The following SAMTOR variants were observed in gnomAD, a reference collection of about 807,000 sequenced individuals.
SAMTOR encodes UPF0532 protein C7orf60.
At chr7:112,821,966 C>G in the SAMTOR span, 1 of 1,613,240 alleles carries the variant, frequency 6.2e-7, no homozygotes, top group African/African-American at 1.3e-5. Flanking sequence ...CTGGGTAGTT[C>G]CTACTAACCA....
chr7:112,858,074 A>G, the SAMTOR span, among the ~76,000 whole-genome samples: 1 of 152,124 alleles, frequency 6.6e-6, no homozygotes, highest in African/African-American at 2.4e-5. Context: ...CAGGACCACC[A>G]TTTGTTCTTA....
the SAMTOR span, among the ~76,000 whole-genome samples, chr7:112,862,175 A>C: frequency 1.3e-5 from 2 of 152,156 alleles, no homozygotes; most frequent in Non-Finnish European, 2.9e-5. Context: ...GAATTGTTTG[A>C]GCCCAGCAGG....
At chr7:112,828,437 G>C in the SAMTOR span, among the ~76,000 whole-genome samples, 1 of 152,096 alleles carries the variant, frequency 6.6e-6, no homozygotes, top group Admixed American at 6.5e-5. Flanking sequence ...ATCTTCATGT[G>C]ACGTTCTCCC....
At chr7:112,844,971 A>C in the SAMTOR span, among the ~76,000 whole-genome samples, 1 of 152,180 alleles carries the variant, frequency 6.6e-6, no homozygotes, top group Admixed American at 6.5e-5. Flanking sequence ...TTTTTGACAA[A>C]GCTGACAAAA....
At chr7:112,828,121 T>TG in the SAMTOR span, among the ~76,000 whole-genome samples, 1 of 152,218 alleles carries the variant, frequency 6.6e-6, no homozygotes, top group African/African-American at 2.4e-5. Flanking sequence ...TTTATGCTAC[T>TG]GTCATAAATG....
chr7:112,829,143 T>A, the SAMTOR span, among the ~76,000 whole-genome samples: 8 of 152,186 alleles, frequency 5.3e-5, no homozygotes, highest in African/African-American at 1.9e-4. Flanking sequence ...TAGATTTGTA[T>A]CACTGATGCT....
At chr7:112,831,499 A>C in the SAMTOR span, among the ~76,000 whole-genome samples, 1 of 152,124 alleles carries the variant, frequency 6.6e-6, no homozygotes, top group Non-Finnish European at 1.5e-5. Flanking sequence ...TCTACCAAAA[A>C]TACAAAGTTA....
chr7:112,902,848 A>C, the SAMTOR span, among the ~76,000 whole-genome samples: 5 of 152,212 alleles, frequency 3.3e-5, no homozygotes, highest in African/African-American at 9.6e-5. Flanking sequence ...AAGAGAAAAC[A>C]AACCAACCTT....
At chr7:112,929,226 A>C in the SAMTOR span, among the ~76,000 whole-genome samples, 4 of 148,504 alleles carry the variant, frequency 2.7e-5, no homozygotes, top group African/African-American at 1.0e-4. Context: ...TATAAAAAAA[A>C]CCTCAAACTG....
the SAMTOR span, chr7:112,935,323 C>A: frequency 2.8e-6 from 1 of 359,516 alleles, no homozygotes. Context: ...ATTTTTAAAA[C>A]AACTTCAAAA....
At chr7:112,883,388 A>G in the SAMTOR span, among the ~76,000 whole-genome samples, 3 of 152,238 alleles carry the variant, frequency 2.0e-5, no homozygotes, top group African/African-American at 4.8e-5. Context: ...TATATCAAGT[A>G]TATCTTGAGT....
chr7:112,852,695 C>A, the SAMTOR span, among the ~76,000 whole-genome samples: 2 of 152,100 alleles, frequency 1.3e-5, no homozygotes, highest in East Asian at 3.9e-4. Context: ...TATCAACTTG[C>A]AGCGGTAAAT....
At chr7:112,937,649 A>G in the SAMTOR span, among the ~76,000 whole-genome samples, 5 of 151,164 alleles carry the variant, frequency 3.3e-5, no homozygotes, top group African/African-American at 4.9e-5. Context: ...GGGGCTTTGT[A>G]TATCATTCAA....
At chr7:112,937,624 T>C in the SAMTOR span, among the ~76,000 whole-genome samples, 1 of 151,590 alleles carries the variant, frequency 6.6e-6, no homozygotes, top group Non-Finnish European at 1.5e-5. Context: ...TCACTTATTC[T>C]GCTAATTCAC....
the SAMTOR span, among the ~76,000 whole-genome samples, chr7:112,904,636 A>T: frequency 7.2e-5 from 11 of 152,210 alleles, no homozygotes; most frequent in Non-Finnish European, 1.3e-4. Context: ...AAAATGAAGC[A>T]AAAGAAAGGA....
the SAMTOR span, among the ~76,000 whole-genome samples, chr7:112,921,659 C>T: frequency 6.8e-6 from 1 of 146,790 alleles, no homozygotes; most frequent in African/African-American, 2.6e-5. Context: ...AGTGAACAGG[C>T]AACCTACAAA....
the SAMTOR span, among the ~76,000 whole-genome samples, chr7:112,836,010 G>T: frequency 6.6e-6 from 1 of 152,042 alleles, no homozygotes; most frequent in Non-Finnish European, 1.5e-5. Context: ...CAATAATGGG[G>T]GATTGCTGAG....
At chr7:112,939,756 A>AGCCTCC in the SAMTOR span, 1 of 1,581,302 alleles carries the variant, frequency 6.3e-7, no homozygotes, top group African/African-American at 1.4e-5. Context: ...TCCATATCGC[A>AGCCTCC]GCCGCCGCCG....
chr7:112,875,672 C>G, the SAMTOR span, among the ~76,000 whole-genome samples: 1 of 152,128 alleles, frequency 6.6e-6, no homozygotes, highest in Non-Finnish European at 1.5e-5. Context: ...CCCACTTGAA[C>G]TTCAAATCAT....
Sources: allele counts gnomAD v4.1 joint callset (sites outside exome capture counted in the v4.1 genomes callset), GRCh38; gene constraint gnomAD v4.1.1; transcripts MANE v1.5; gene names NCBI Gene and HGNC (gene_info 2026-07-23, HGNC 2026-07-21).